Variants in MALL observed in about 807,000 individuals in gnomAD.
MALL encodes the protein MAL-like protein.
Under a neutral mutation model 10.3 loss-of-function variants are expected in MALL, and 2 were observed. The ratio of observed to expected loss-of-function variants is 0.19; its 90% confidence interval spans 0.08 to 0.61. The LOEUF (loss-of-function observed/expected upper bound fraction) is 0.61. MALL is among the 20% of genes least tolerant of loss of function. MALL has a pLI of 0.88. For missense variants in MALL, 39 were observed against 115.2 expected, an observed-to-expected ratio of 0.34 and a Z score of 3.03; for synonymous variants, 27 against 51.8, an observed-to-expected ratio of 0.52 and a Z score of 2.05.
At chr2:110,109,362 C>A (rs1678755464) in intron 1 of MALL, among the ~76,000 whole-genome samples, 1 of 152,096 alleles carries the variant, frequency 6.6e-6, no homozygotes, top group Non-Finnish European at 1.5e-5. Context: ...GAAAAAGGTA[C>A]TTCATGCAAA....
At chr2:110,099,451 A>G (rs1476720356) in intron 1 of MALL, among the ~76,000 whole-genome samples, 2 of 152,220 alleles carry the variant, frequency 1.3e-5, no homozygotes, top group Non-Finnish European at 2.9e-5. Flanking sequence ...TGTCAAAATT[A>G]TCTTCCATCA....
chr2:110,115,013 AGTCGTAGGGCGCCCC>A (rs1678877706), intron 1 of MALL, among the ~76,000 whole-genome samples: 1 of 152,058 alleles, frequency 6.6e-6, no homozygotes, highest in African/African-American at 2.4e-5. Context: ...GCCACGACTC[AGTCGTAGGGCGCCCC>A]AGAGAGTAAC....
chr2:110,099,312 T>C (rs922240868), intron 1 of MALL, among the ~76,000 whole-genome samples: 1 of 152,176 alleles, frequency 6.6e-6, no homozygotes, highest in African/African-American at 2.4e-5. Flanking sequence ...AGTTTTTAGC[T>C]GCTCTGAGCA....
intron 1 of MALL, among the ~76,000 whole-genome samples, chr2:110,101,611 G>T (rs1678566127): frequency 6.6e-6 from 1 of 152,060 alleles, no homozygotes. Flanking sequence ...CCCTGGGATG[G>T]GCGCACCAGA....
chr2:110,106,339 C>T (rs1423268300), intron 1 of MALL, among the ~76,000 whole-genome samples: 1 of 152,076 alleles, frequency 6.6e-6, no homozygotes, highest in African/African-American at 2.4e-5. Context: ...ATGGTCAGCC[C>T]CCAGCACCCG....
At chr2:110,110,568 T>C (rs1484122149) in intron 1 of MALL, among the ~76,000 whole-genome samples, 1 of 152,068 alleles carries the variant, frequency 6.6e-6, no homozygotes, top group Non-Finnish European at 1.5e-5. Flanking sequence ...AAGATTGAAA[T>C]GGTAATTTAA....
upstream of MALL, among the ~76,000 whole-genome samples, chr2:110,117,591 G>A (rs1678942468): frequency 1.8e-5 from 2 of 113,612 alleles, no homozygotes; most frequent in South Asian, 3.1e-4. Flanking sequence ...AAAGCAATGT[G>A]TGTGTGTGTG....
At chr2:110,103,510 T>C (rs1678623112) in intron 1 of MALL, among the ~76,000 whole-genome samples, 1 of 152,170 alleles carries the variant, frequency 6.6e-6, no homozygotes, top group South Asian at 2.1e-4. Context: ...GAGCCTCTCC[T>C]GACTCCCACA....
chr2:110,113,051 G>A (rs1340120323), intron 1 of MALL, among the ~76,000 whole-genome samples: 6 of 151,910 alleles, frequency 3.9e-5, no homozygotes, highest in Non-Finnish European at 8.8e-5. Context: ...CTGATATGTG[G>A]GAGCTAAGCT....
At chr2:110,117,412 C>T (rs1444549968), upstream of MALL, among the ~76,000 whole-genome samples, 1 of 152,068 alleles carries the variant, frequency 6.6e-6, no homozygotes, top group Non-Finnish European at 1.5e-5. Flanking sequence ...ATAATACAAC[C>T]CATAACCCCT....
intron 1 of MALL, among the ~76,000 whole-genome samples, chr2:110,102,743 A>C (rs4953754): frequency 0.97 from 146,999 of 152,214 alleles, 71,197 homozygotes; most frequent in Middle Eastern, 1. Context: ...AGAAATTCTC[A>C]CAGTAGGGTA....
rs3217463 is a variant in MALL, at chr2:110,115,535, T to TC, written c.105+152dup. 4.6e-3 allele frequency among the ~76,000 whole-genome samples: 364 copies of TC among 79,964 alleles called. 1 individual carries two copies. Among genetic ancestry groups the TC allele is most frequent in the African/African-American group, 0.015 (277 of 18,396 alleles). The allele number at this position is 79,964 out of a possible 152,430, so 52.5% of individuals were successfully genotyped here. ...GTCCGGTCTGGGTCCGAGGCCGGTC[T>TC]CCCCCCCCCTCTCTGCAGGTGGCCC... On this transcript the variant is annotated intron_variant, in intron 1 of 3. Transcript: ENST00000272462.
At position 110,115,789 on chromosome 2, in the gene MALL, C is replaced by T; in HGVS notation, c.4G>A (p.Ala2Thr). Residue 2 changes from alanine to threonine, a missense_variant, in exon 1 of 4, where the codon GCC (alanine) becomes ACC (threonine). Transcript: ENST00000272462. Reference protein sequence around the residue: MASPDPPATSYA... With the variant: MTSPDPPATSYA... ...CTGGTGGCGGGCGGGTCGGGCGAGG[C>T]CATGCTGTCAGCCCCTGCCGGGTGC... 7.9e-7 allele frequency: 1 copy of T among 1,263,446 alleles called. No homozygotes were observed. The highest frequency in any genetic ancestry group is 1.0e-6 in the Non-Finnish European group (1 of 996,872). The allele number at this position is 1,263,446 out of a possible 1,614,324, so 78.3% of individuals were successfully genotyped here.
intron 1 of MALL, among the ~76,000 whole-genome samples, chr2:110,099,999 C>T (rs1678528728): frequency 6.6e-6 from 1 of 152,054 alleles, no homozygotes; most frequent in Non-Finnish European, 1.5e-5. Context: ...GCCCATACCC[C>T]TCACCCTCTC....
At chr2:110,098,447 A>G (rs1426928142) in intron 1 of MALL, among the ~76,000 whole-genome samples, 1 of 152,086 alleles carries the variant, frequency 6.6e-6, no homozygotes, top group Non-Finnish European at 1.5e-5. Context: ...GGTACCTGAT[A>G]TGAATGGAAT....
At chr2:110,099,493 C>T (rs1315056754) in intron 1 of MALL, among the ~76,000 whole-genome samples, 1 of 152,088 alleles carries the variant, frequency 6.6e-6, no homozygotes, top group African/African-American at 2.4e-5. Flanking sequence ...TCAATTAGGC[C>T]CTAGTCAGGG....
intron 1 of MALL, among the ~76,000 whole-genome samples, chr2:110,101,462 C>T (rs550149232): frequency 2.0e-5 from 3 of 152,300 alleles, no homozygotes; most frequent in South Asian, 2.1e-4. Flanking sequence ...TCTCATCTCC[C>T]GCTGGATAAC....
intron 1 of MALL, among the ~76,000 whole-genome samples, chr2:110,097,959 G>T (rs1678481864): frequency 6.6e-6 from 1 of 151,952 alleles, no homozygotes; most frequent in Admixed American, 6.6e-5. Flanking sequence ...AGATGGGTGC[G>T]GCTCTTGTCA....
chr2:110,096,595 A>C (rs538584899), intron 1 of MALL, among the ~76,000 whole-genome samples: 7 of 152,116 alleles, frequency 4.6e-5, no homozygotes, highest in African/African-American at 1.7e-4. Context: ...TGGGAAATTC[A>C]CTTTTGGAAA....
Sources: gnomAD v4.1 joint callset for allele counts (sites outside exome capture counted in the v4.1 genomes callset) on GRCh38, gnomAD v4.1.1 for gene constraint, MANE v1.5 for transcripts, NCBI Gene and HGNC (gene_info 2026-07-23, HGNC 2026-07-21) for gene names.